The following DCLRE1C variants were observed in gnomAD, a reference collection of about 807,000 sequenced individuals.
DCLRE1C encodes DNA cross-link repair 1C, also known as protein artemis.
A neutral mutation model predicts 61.4 loss-of-function variants in DCLRE1C; 47 were observed. That is an observed-to-expected ratio of 0.77 (90% CI 0.61 to 0.98). The LOEUF is 0.98. DCLRE1C is among the 50% of genes least tolerant of loss of function. The pLI is 0.00. For synonymous variants in DCLRE1C, 337 were observed against 287.6 expected, an observed-to-expected ratio of 1.17 and a Z score of -1.74; for missense variants, 858 against 816.0, an observed-to-expected ratio of 1.05 and a Z score of -0.63.
rs962344433 is a variant in DCLRE1C, at chr10:14,906,081, C to T, written c.*2327G>A. 7.2e-5 allele frequency among the ~76,000 whole-genome samples: 11 copies of T among 152,282 alleles called. No individual in the cohort carries two copies. Among genetic ancestry groups the T allele is most frequent in the African/African-American group, 2.6e-4 (11 of 41,546 alleles). On this transcript the variant is annotated 3_prime_UTR_variant, in exon 14 of 14. Transcript: ENST00000378278. Reference sequence around the variant, plus strand: ...ACAATTAACCCTGCTCATGTTTATACTTTTTTGGAGAGACATCAGAGCATA... The same window carrying T: ...ACAATTAACCCTGCTCATGTTTATATTTTTTTGGAGAGACATCAGAGCATA...
chr10:14,922,968 A>G lies in DCLRE1C; in HGVS notation c.1061+13T>C. ...AAGGGGGACACCAAGTCCCACAACCAGTGACTACTCACATTTCGACAACTT... is the reference window on the plus strand; with the variant it reads ...AAGGGGGACACCAAGTCCCACAACCGGTGACTACTCACATTTCGACAACTT... On this transcript the variant is annotated intron_variant, in intron 12 of 13. Transcript: ENST00000378278. The G allele has an allele frequency of 6.2e-7, 1 of 1,603,450 alleles. No homozygotes were observed. Among genetic ancestry groups the G allele is most frequent in the Non-Finnish European group, 8.5e-7 (1 of 1,170,176 alleles).
At chr10:14,933,726 T>C (rs978552286) in intron 8 of DCLRE1C, among the ~76,000 whole-genome samples, 4 of 152,106 alleles carry the variant, frequency 2.6e-5, no homozygotes, top group African/African-American at 9.7e-5. Context: ...CACTGCCATA[T>C]CTCCTTGTTC....
At chr10:14,931,367 G>A (rs1282104179) in intron 9 of DCLRE1C, among the ~76,000 whole-genome samples, 1 of 151,876 alleles carries the variant, frequency 6.6e-6, no homozygotes, top group African/African-American at 2.4e-5. Flanking sequence ...AGACCAGCCT[G>A]GCCAATATGG....
rs1270446904 is a variant in DCLRE1C at position 14,908,704 on chromosome 10, C to T, written c.1783G>A (p.Val595Ile). ...GAGTAAGTATCCTTTGGGCAAATTA[C>T]ATTTTGTTCCATGAGAGAGGCAGGA... ...NIPASLMEQN[V>I]ICPKDTYSDL... The change falls in exon 14 of 14, where the codon GTA becomes ATA. Residue 595 changes from valine (V) to isoleucine (I), a missense_variant. By Grantham distance (29) the Val-to-Ile change is conservative (BLOSUM62 3). Coordinates refer to ENST00000378278, the MANE Select transcript of DCLRE1C (RefSeq NM_001033855.3). 3 of 1,614,186 alleles carry T rather than the reference C, an allele frequency of 1.9e-6. No homozygotes were observed. Among genetic ancestry groups the T allele is most frequent in the Admixed American group, 3.3e-5 (2 of 60,032 alleles).
chr10:14,951,011 C>G (rs1351236450), intron 1 of DCLRE1C, among the ~76,000 whole-genome samples: 1 of 152,190 alleles, frequency 6.6e-6, no homozygotes, highest in Non-Finnish European at 1.5e-5. Flanking sequence ...GCCCACCCTG[C>G]ACACAGCATT....
Position 14,934,252 on chromosome 10 carries a change from C to G in DCLRE1C, c.678+128G>C, listed in dbSNP as rs548684173. The G allele has an allele frequency of 8.2e-6, 11 of 1,349,526 alleles. No individual in the cohort carries two copies. In the African/African-American group the frequency reaches 1.3e-4, roughly 16 times the overall value. The allele number at this position is 1,349,526 out of a possible 1,614,324, so 83.6% of individuals were successfully genotyped here. A position where few individuals can be genotyped will look rare whatever the true frequency, so the allele number is the denominator to read the frequency against. The stretch of plus-strand genomic sequence containing the variant: ...CTGAGCCAGGAGAATTGCTTGAACC[C>G]GGGAGGTGGAGGCTGCAGTGAGCCG... On this transcript the variant is annotated intron_variant, in intron 8 of 13. Transcript: ENST00000378278.
chr10:14,927,406 A>AGGGG, intron 10 of DCLRE1C, among the ~76,000 whole-genome samples: 1 of 83,792 alleles, frequency 1.2e-5, no homozygotes, highest in African/African-American at 4.7e-5. Flanking sequence ...AAAAGAAGGG[A>AGGGG]GGGAGGGAGG....
At chr10:14,925,633 T>C (rs377546289) in intron 11 of DCLRE1C, among the ~76,000 whole-genome samples, 15 of 152,312 alleles carry the variant, frequency 9.8e-5, no homozygotes, top group African/African-American at 3.6e-4. Context: ...ATTGAACTCA[T>C]GGTCAATAGC....
At chr10:14,937,423 T>C (rs892094186) in intron 4 of DCLRE1C, among the ~76,000 whole-genome samples, 20 of 151,726 alleles carry the variant, frequency 1.3e-4, no homozygotes, top group Admixed American at 3.3e-4. Flanking sequence ...GCTGGGATTA[T>C]AGGCGCCTGC....
rs1374765608 is a variant in DCLRE1C, at chr10:14,906,583, T to TACTA, written c.*1821_*1824dup. Among the ~76,000 whole-genome samples the TACTA allele has an allele frequency of 1.3e-5, 2 of 152,248 alleles. No individual in the cohort carries two copies. Among genetic ancestry groups the TACTA allele is most frequent in the East Asian group, 1.9e-4 (1 of 5,198 alleles). The stretch of plus-strand genomic sequence containing the variant: ...ATACAAATGTGTATAGTTATGTGTA[T>TACTA]ACTAACTCTGAGTCTTGTTACCCTG... On this transcript the variant is annotated 3_prime_UTR_variant, in exon 14 of 14. Transcript: ENST00000378278.
chr10:14,927,744 C>T (rs1838265095), intron 10 of DCLRE1C, among the ~76,000 whole-genome samples: 1 of 152,148 alleles, frequency 6.6e-6, no homozygotes, highest in Non-Finnish European at 1.5e-5. Context: ...TGTATGACAT[C>T]AATTTGTTAC....
At position 14,906,163 on chromosome 10, in the gene DCLRE1C, C is replaced by A. The variant is rs1393538957; in HGVS notation, c.*2245G>T. On this transcript the variant is annotated 3_prime_UTR_variant, in exon 14 of 14. Coordinates refer to ENST00000378278, the MANE Select transcript of DCLRE1C (RefSeq NM_001033855.3). ...TGCCTGTGTTTGAATTCTGCCTGTG[C>A]CTCATAGCTATGTGAACTAACCTCT... Among the ~76,000 whole-genome samples, 1 of 152,122 alleles carries A rather than the reference C, an allele frequency of 6.6e-6. No individual in the cohort carries two copies. The highest frequency in any genetic ancestry group is 6.5e-5 in the Admixed American group (1 of 15,272).
rs76885055 is a variant in DCLRE1C, at chr10:14,938,514, G to A, written c.306+1296C>T. ...ACAACACACCCTCAAAGTTAAACACGGCAAAGCAGTGTGCTATAATCAAGC... is the reference window on the plus strand; with the variant it reads ...ACAACACACCCTCAAAGTTAAACACAGCAAAGCAGTGTGCTATAATCAAGC... On this transcript the variant is annotated intron_variant, in intron 4 of 13. Coordinates refer to ENST00000378278, the MANE Select transcript of DCLRE1C (RefSeq NM_001033855.3). Among the ~76,000 whole-genome samples, 203 of 152,066 alleles carry A rather than the reference G, an allele frequency of 1.3e-3. 2 individuals are homozygous for A. The East Asian group carries it at 0.026, about 20-fold the overall frequency.
intron 8 of DCLRE1C, among the ~76,000 whole-genome samples, chr10:14,933,401 C>T (rs1296552354): frequency 2.0e-5 from 3 of 152,170 alleles, no homozygotes; most frequent in Non-Finnish European, 4.4e-5. Flanking sequence ...CTTTGAGAGG[C>T]GGAGGCCGGT....
downstream of DCLRE1C, chr10:14,899,799 A>G (rs1833868177): frequency 7.0e-6 from 9 of 1,287,690 alleles, no homozygotes; most frequent in Non-Finnish European, 9.5e-6. Flanking sequence ...TTTCCAAAAT[A>G]TGTATTTTAT....
chr10:14,928,289 T>C (rs922896882), intron 9 of DCLRE1C, 137 bp from the exon 10 acceptor site: 15 of 755,090 alleles, frequency 2.0e-5, no homozygotes, highest in Non-Finnish European at 3.2e-5. Flanking sequence ...CAAAACAATG[T>C]AGACATGAAG....
chr10:14,916,637 G>C (rs536632023), intron 13 of DCLRE1C, among the ~76,000 whole-genome samples: 2 of 152,172 alleles, frequency 1.3e-5, no homozygotes, highest in African/African-American at 4.8e-5. Context: ...ACAACAATCA[G>C]GAATTGAAAC....
intron 4 of DCLRE1C, 146 bp downstream of exon 4, chr10:14,939,664 T>A: frequency 1.4e-6 from 1 of 698,884 alleles, no homozygotes; most frequent in Non-Finnish European, 2.3e-6. Flanking sequence ...TTTTTATTTA[T>A]GGTTAAATGA....
At chr10:14,929,266 T>C (rs34519793) in intron 9 of DCLRE1C, among the ~76,000 whole-genome samples, 3,191 of 152,122 alleles carry the variant, frequency 0.021, 51 homozygotes, top group Non-Finnish European at 0.034. Flanking sequence ...TAGCCAGGCA[T>C]GGTGGCGCAT....
Sources: gnomAD v4.1 joint callset for allele counts (sites outside exome capture counted in the v4.1 genomes callset) on GRCh38, gnomAD v4.1.1 for gene constraint, MANE v1.5 for transcripts, NCBI Gene and HGNC (gene_info 2026-07-23, HGNC 2026-07-21) for gene names.